The following CCDC32 variants were observed in gnomAD, a reference collection of about 807,000 sequenced individuals.
CCDC32 encodes coiled-coil domain containing 32, also known as coiled-coil domain-containing protein 32.
CCDC32 carries 9 observed loss-of-function variants against 20.1 expected under a neutral mutation model. The observed-to-expected ratio is 0.45, with a 90% CI of 0.27 to 0.78. The LOEUF is 0.78. Ranked by LOEUF, CCDC32 falls within the 30% of genes least tolerant of loss-of-function variation. CCDC32 has a pLI of 0.16. For synonymous variants in CCDC32, 63 were observed against 79.0 expected (o/e 0.80, Z 1.07); for missense variants, 204 against 215.5 (o/e 0.95, Z 0.33).
intron 3 of CCDC32, among the ~76,000 whole-genome samples, chr15:40,542,649 A>G (rs1889443423): frequency 6.6e-6 from 1 of 151,378 alleles, no homozygotes; most frequent in Non-Finnish European, 1.5e-5. Context: ...CGGGAGGATC[A>G]CGAGGTCAGG....
At chr15:40,563,124 A>ATT in intron 1 of CCDC32, 97 bp from the exon 2 acceptor site, 1 of 1,414,066 alleles carries the variant, frequency 7.1e-7, no homozygotes, top group Non-Finnish European at 9.5e-7. Context: ...ACACTTTGGG[A>ATT]AGCCGAGGCA....
At chr15:40,543,371 G>A (rs1482933943) in intron 3 of CCDC32, among the ~76,000 whole-genome samples, 1 of 152,072 alleles carries the variant, frequency 6.6e-6, no homozygotes, top group African/African-American at 2.4e-5. Flanking sequence ...ACCAAGGTAT[G>A]GCTTCTGTGC....
Position 40,554,002 on chromosome 15 carries a change from G to A in CCDC32, c.527C>T (p.Ala176Val). ...TTCTGCTGCTGCTGGCTTGTCCCCG[G>A]CTGCTGGCTCGTCCTCGGCCACTGG... The part of the protein sequence containing the change: ...EKPVAEDEPA[A>V]GDKPAAAEQ The change falls in exon 4 of 4, where the codon GCC becomes GTC. Residue 176 changes from alanine to valine, a missense_variant. Coordinates refer to ENST00000416810, the MANE Select transcript of CCDC32 (RefSeq NM_001080792.4). 1 of 1,609,492 alleles carries A rather than the reference G, an allele frequency of 6.2e-7. No individual in the cohort carries two copies. The highest frequency in any genetic ancestry group is 8.5e-7 in the Non-Finnish European group (1 of 1,178,692).
At chr15:40,539,840 C>CACACACACACACACA (rs1555413863) in intron 3 of CCDC32, among the ~76,000 whole-genome samples, 11 of 134,542 alleles carry the variant, frequency 8.2e-5, no homozygotes, top group Admixed American at 4.8e-4. Context: ...CAAACTGTTG[C>CACACACACACACACA]CACACACACA....
rs113925983 is a variant in CCDC32 at position 40,564,218 on chromosome 15, T to C, written c.-13+758A>G. ...GTAAAAAGTGTCTGTCAGAGAGTAC[T>C]GTTACAATGCAAGGGCTGTGTGCTC... On this transcript the variant is annotated intron_variant, in intron 1 of 3. Transcript: ENST00000416810. 7.6e-3 allele frequency among the ~76,000 whole-genome samples: 1,162 copies of C among 152,332 alleles called. 10 individuals carry two copies. The highest frequency in any genetic ancestry group is 0.027 in the African/African-American group (1,118 of 41,576).
chr15:40,540,990 G>A (rs1889366481), intron 3 of CCDC32, among the ~76,000 whole-genome samples: 1 of 152,174 alleles, frequency 6.6e-6, no homozygotes, highest in Non-Finnish European at 1.5e-5. Context: ...CCCACACTGG[G>A]CCACAGAGAC....
chr15:40,545,759 G>GAC (rs540095167), intron 3 of CCDC32, among the ~76,000 whole-genome samples: 101 of 152,244 alleles, frequency 6.6e-4, no homozygotes, highest in Non-Finnish European at 1.2e-3. Context: ...TACCTGCTGA[G>GAC]AGCCTGCAGC....
At chr15:40,535,333 C>T, downstream of CCDC32, 1 of 1,203,212 alleles carries the variant, frequency 8.3e-7, no homozygotes, top group Non-Finnish European at 1.0e-6. Flanking sequence ...TCTCCAGCCT[C>T]TCCATAGCAT....
chr15:40,521,935 C>G, the CCDC32 span, among the ~76,000 whole-genome samples: 3 of 152,150 alleles, frequency 2.0e-5, no homozygotes, highest in African/African-American at 7.2e-5. Flanking sequence ...TATTGGTGTT[C>G]TTTGAAGCAC....
rs752914099 is a variant in CCDC32, at chr15:40,562,985, C to T, written c.31G>A (p.Ala11Thr). 1.9e-6 allele frequency: 3 copies of T among 1,614,220 alleles called. No homozygotes were observed. The Admixed American group carries it at 5.0e-5, about 27-fold the overall frequency. ...CAGAGATCCTGGCCAGATCTTGTGG[C>T]TGTAGAGTCAGCGCTCTCAAACATT... MKMFESADST[A>T]TRSGQDLWAE... The change falls in exon 2 of 4, where the codon GCC becomes ACC. Residue 11 changes from alanine (A) to threonine (T), a missense_variant. Ala to Thr is a moderately conservative substitution (Grantham distance 58). Coordinates refer to ENST00000416810, the MANE Select transcript of CCDC32 (RefSeq NM_001080792.4).
intron 2 of CCDC32, among the ~76,000 whole-genome samples, chr15:40,559,495 A>C (rs969445976): frequency 6.6e-6 from 1 of 152,178 alleles, no homozygotes; most frequent in African/African-American, 2.4e-5. Context: ...ATCATTAAAC[A>C]GATGCTTTGG....
intron 3 of CCDC32, among the ~76,000 whole-genome samples, chr15:40,540,370 C>CG (rs898314048): frequency 2.4e-5 from 2 of 83,034 alleles, no homozygotes; most frequent in Non-Finnish European, 2.8e-5. Flanking sequence ...TTTTCTTTTT[C>CG]TTTTTTTTTT....
At chr15:40,539,378 C>CA in intron 3 of CCDC32, 1 of 1,524,446 alleles carries the variant, frequency 6.6e-7, no homozygotes, top group Non-Finnish European at 8.8e-7. Context: ...GACAGACCGA[C>CA]AGAGACGAGG....
chr15:40,522,885 T>A, the CCDC32 span, among the ~76,000 whole-genome samples: 30 of 148,490 alleles, frequency 2.0e-4, 1 homozygote, highest in African/African-American at 7.4e-4. Context: ...TGAAGGGCAG[T>A]GGCGCAGTCT....
At position 40,564,964 on chromosome 15, in the gene CCDC32, C is replaced by T; in HGVS notation, c.-13+12G>A. The T allele has an allele frequency of 1.5e-6, 1 of 651,102 alleles. No individual in the cohort carries two copies. Among genetic ancestry groups the T allele is most frequent in the Non-Finnish European group, 2.6e-6 (1 of 378,458 alleles). The allele number at this position is 651,102 out of a possible 1,614,324, so 40.3% of individuals were successfully genotyped here. A position where few individuals can be genotyped will look rare whatever the true frequency, so the allele number is the denominator to read the frequency against. On this transcript the variant is annotated intron_variant, in intron 1 of 3. Transcript: ENST00000416810. Reference sequence around the variant, plus strand: ...TCCAAAACGCTGGGCACCCCAGCCCCTCCTCACTTACCGTAACAGCTGCCC... The same window carrying T: ...TCCAAAACGCTGGGCACCCCAGCCCTTCCTCACTTACCGTAACAGCTGCCC...
downstream of CCDC32, among the ~76,000 whole-genome samples, chr15:40,551,674 G>A (rs1297934345): frequency 6.6e-6 from 1 of 151,934 alleles, no homozygotes; most frequent in Non-Finnish European, 1.5e-5. Context: ...GCTGGGCATG[G>A]TGGTATGCAC....
chr15:40,543,952 A>G (rs1239946106), intron 3 of CCDC32, among the ~76,000 whole-genome samples: 1 of 152,238 alleles, frequency 6.6e-6, no homozygotes, highest in African/African-American at 2.4e-5. Context: ...TCCTAGAATT[A>G]TAACTTTTTT....
At chr15:40,556,525 G>A (rs10467972) in intron 3 of CCDC32, 36,222 of 152,054 alleles carry the variant, frequency 0.24, 5,476 homozygotes, top group East Asian at 0.67. Context: ...TTCATTGAGT[G>A]GCTACAATCT....
chr15:40,539,138 T>C (rs1236003330), downstream of CCDC32: 1 of 952,914 alleles, frequency 1.0e-6, no homozygotes, highest in Non-Finnish European at 1.6e-6. Context: ...AGGGAAGTAG[T>C]TGTTGCTGTT....
Sources: gnomAD v4.1 joint callset for allele counts (sites outside exome capture counted in the v4.1 genomes callset) on GRCh38, gnomAD v4.1.1 for gene constraint, MANE v1.5 for transcripts, NCBI Gene and HGNC (gene_info 2026-07-23, HGNC 2026-07-21) for gene names.